WDPCP: variants seen among roughly 807,000 people sequenced by gnomAD.
WDPCP encodes WD repeat-containing and planar cell polarity effector protein fritz homolog.
A neutral mutation model predicts 93.1 loss-of-function variants in WDPCP; 71 were observed. That is an observed-to-expected ratio of 0.76 (90% CI 0.63 to 0.93). The LOEUF (loss-of-function observed/expected upper bound fraction) is 0.93, where lower values mean the gene tolerates loss of function less well. WDPCP is among the 40% of genes least tolerant of loss of function. The probability of loss-of-function intolerance (pLI) is 0.00; values close to 1 mark genes in which losing one functional copy is unlikely to be tolerated. For missense variants in WDPCP, 844 were observed against 887.4 expected (o/e 0.95, Z 0.62); for synonymous variants, 315 against 315.0 (o/e 1.00, Z 0.00).
chr2:63,350,367 C>T (rs1460480813), intron 12 of WDPCP, among the ~76,000 whole-genome samples: 1 of 151,740 alleles, frequency 6.6e-6, no homozygotes, highest in Admixed American at 6.6e-5. Flanking sequence ...TGCAGCAAAC[C>T]AGCATGGCAC....
At chr2:63,295,222 A>C (rs1684754588) in intron 13 of WDPCP, among the ~76,000 whole-genome samples, 1 of 152,148 alleles carries the variant, frequency 6.6e-6, no homozygotes, top group African/African-American at 2.4e-5. Context: ...TGAAAAAGAC[A>C]GTCATCCAGG....
At chr2:63,383,219 A>G (rs1452400158) in intron 10 of WDPCP, among the ~76,000 whole-genome samples, 1 of 152,174 alleles carries the variant, frequency 6.6e-6, no homozygotes, top group Non-Finnish European at 1.5e-5. Context: ...TTGCATCTAA[A>G]ATTATGTAAT....
intron 2 of WDPCP, among the ~76,000 whole-genome samples, chr2:63,781,339 A>T (rs1329371005): frequency 6.6e-6 from 1 of 152,188 alleles, no homozygotes; most frequent in Non-Finnish European, 1.5e-5. Flanking sequence ...ACATGTGCCA[A>T]ATATGTGTAC....
At chr2:63,699,454 C>T (rs1669013271) in intron 2 of WDPCP, among the ~76,000 whole-genome samples, 1 of 152,140 alleles carries the variant, frequency 6.6e-6, no homozygotes, top group African/African-American at 2.4e-5. Flanking sequence ...GCTAGACTTA[C>T]AAAGAAGGAA....
At chr2:63,743,344 G>A (rs1669752256) in intron 2 of WDPCP, among the ~76,000 whole-genome samples, 1 of 152,178 alleles carries the variant, frequency 6.6e-6, no homozygotes, top group South Asian at 2.1e-4. Context: ...AACACTAAAT[G>A]GATTTGGTTA....
At chr2:63,408,613 A>T (rs2105238544) in intron 9 of WDPCP, among the ~76,000 whole-genome samples, 1 of 152,250 alleles carries the variant, frequency 6.6e-6, no homozygotes, top group Admixed American at 6.5e-5. Context: ...GGGAGAAGCA[A>T]GCCCTTTTCT....
intron 14 of WDPCP, among the ~76,000 whole-genome samples, chr2:63,255,171 TTATGC>T (rs1490849913): frequency 6.6e-6 from 1 of 152,088 alleles, no homozygotes; most frequent in African/African-American, 2.4e-5. Context: ...GGGGAAAACT[TTATGC>T]TAACTGGTGA....
chr2:63,593,609 T>C, upstream of WDPCP: 1 of 471,710 alleles, frequency 2.1e-6, no homozygotes, highest in South Asian at 1.5e-5. Flanking sequence ...GTCACATCAG[T>C]GGACCATTTC....
intron 15 of WDPCP, among the ~76,000 whole-genome samples, chr2:63,173,976 T>C (rs1457319748): frequency 3.3e-5 from 5 of 152,196 alleles, no homozygotes; most frequent in African/African-American, 1.2e-4. Flanking sequence ...TGAAGTTTTA[T>C]TGTAACACTG....
chr2:63,193,666 T>C lies in WDPCP; in HGVS notation c.1916-18834A>G, dbSNP rs144963860. 1.9e-3 allele frequency among the ~76,000 whole-genome samples: 294 copies of C among 152,332 alleles called. 1 individual carries two copies. The East Asian group carries it at 0.021, about 11-fold the overall frequency. ...CATGCCTGGCTAATTTTTAAATTACTTTTGTAGATATGGGGTCTAACTATG... is the reference window on the plus strand; with the variant it reads ...CATGCCTGGCTAATTTTTAAATTACCTTTGTAGATATGGGGTCTAACTATG... On this transcript the variant is annotated intron_variant, in intron 14 of 17. Transcript: ENST00000272321.
intron 2 of WDPCP, among the ~76,000 whole-genome samples, chr2:63,492,497 A>G (rs1700951921): frequency 6.6e-6 from 1 of 151,850 alleles, no homozygotes; most frequent in Non-Finnish European, 1.5e-5. Context: ...CCATTCAATA[A>G]ATTTTATTAT....
At chr2:63,823,946 G>C (rs1671070463) in intron 1 of WDPCP, among the ~76,000 whole-genome samples, 1 of 152,140 alleles carries the variant, frequency 6.6e-6, no homozygotes, top group African/African-American at 2.4e-5. Flanking sequence ...GGCTAAGGCA[G>C]GAGGGTTGCT....
intron 3 of WDPCP, among the ~76,000 whole-genome samples, chr2:63,623,494 A>C (rs912079401): frequency 1.3e-5 from 2 of 152,136 alleles, no homozygotes; most frequent in Non-Finnish European, 2.9e-5. Context: ...AATATTTACC[A>C]AGCAAATGGA....
chr2:63,600,860 C>T (rs2106618383), intron 3 of WDPCP, among the ~76,000 whole-genome samples: 1 of 152,286 alleles, frequency 6.6e-6, no homozygotes. Flanking sequence ...GTTACAGTTG[C>T]AAACTCTGGA....
At chr2:63,247,827 T>C (rs976060968) in intron 14 of WDPCP, among the ~76,000 whole-genome samples, 3 of 152,110 alleles carry the variant, frequency 2.0e-5, no homozygotes, top group African/African-American at 7.2e-5. Context: ...GTTTTTTACA[T>C]ATAGGCTTTT....
At chr2:63,632,048 C>T (rs919106353) in intron 3 of WDPCP, among the ~76,000 whole-genome samples, 1 of 152,204 alleles carries the variant, frequency 6.6e-6, no homozygotes, top group African/African-American at 2.4e-5. Flanking sequence ...GTTGAGGACC[C>T]CTGCAATCGT....
chr2:63,588,794 C>T, upstream of WDPCP: 1 of 571,642 alleles, frequency 1.7e-6, no homozygotes. Context: ...CGGCGCAGAG[C>T]GCAGTGAGAA....
intron 3 of WDPCP, among the ~76,000 whole-genome samples, chr2:63,623,266 G>A (rs1709769542): frequency 6.6e-6 from 1 of 152,168 alleles, no homozygotes; most frequent in African/African-American, 2.4e-5. Context: ...ACGCTATGAA[G>A]AAACTGCATC....
intron 12 of WDPCP, among the ~76,000 whole-genome samples, chr2:63,318,312 C>G (rs554124130): frequency 6.6e-6 from 1 of 152,114 alleles, no homozygotes; most frequent in African/African-American, 2.4e-5. Context: ...TTATACACCC[C>G]TACTGGCAAT....
Sources: gnomAD v4.1 joint callset for allele counts (sites outside exome capture counted in the v4.1 genomes callset) on GRCh38, gnomAD v4.1.1 for gene constraint, MANE v1.5 for transcripts, NCBI Gene and HGNC (gene_info 2026-07-23, HGNC 2026-07-21) for gene names.